Variants in CACNA1D observed in about 807,000 individuals in gnomAD.
CACNA1D encodes the protein calcium voltage-gated channel subunit alpha1 D, also known as voltage-dependent L-type calcium channel subunit alpha-1D.
In CACNA1D, 55 loss-of-function variants were observed where a neutral mutation model predicts 257.1. That is an observed-to-expected ratio of 0.21 (90% CI 0.17 to 0.27). CACNA1D has a LOEUF of 0.27. CACNA1D is among the 10% of genes least tolerant of loss of function. The pLI is 1.00. For synonymous variants in CACNA1D, 980 were observed against 1,014.9 expected (o/e 0.97, Z 0.65); for missense variants, 1,876 against 2,784.0 (o/e 0.67, Z 7.34).
chr3:53,695,783 C>T (rs1403070509), intron 8 of CACNA1D, among the ~76,000 whole-genome samples: 1 of 152,182 alleles, frequency 6.6e-6, no homozygotes, highest in Non-Finnish European at 1.5e-5. Context: ...TGGTCTTCCT[C>T]AGCACCATTT....
chr3:53,499,812 T>C (rs2090512516), intron 2 of CACNA1D, among the ~76,000 whole-genome samples: 2 of 152,070 alleles, frequency 1.3e-5, no homozygotes, highest in South Asian at 4.1e-4. Context: ...TGTGTTTCTA[T>C]GGAGAACAAC....
At chr3:53,633,697 C>T (rs144547115) in intron 3 of CACNA1D, among the ~76,000 whole-genome samples, 23 of 152,306 alleles carry the variant, frequency 1.5e-4, no homozygotes, top group African/African-American at 4.8e-4. Context: ...GCTCCACAGA[C>T]GTGCTTTTCA....
rs559713095 is a variant in CACNA1D at position 53,600,189 on chromosome 3, A to G, written c.484-50590A>G. ...AGCCTCAGCTTTTCATTTGGCCAGC[A>G]TGTATCATGAAGTTACTTCTTATTT... On this transcript the variant is annotated intron_variant, in intron 3 of 47. Transcript: ENST00000350061. 5.9e-5 allele frequency among the ~76,000 whole-genome samples: 9 copies of G among 152,360 alleles called. No individual in the cohort carries two copies. The South Asian group carries it at 1.9e-3, about 32-fold the overall frequency.
intron 45 of CACNA1D, among the ~76,000 whole-genome samples, chr3:53,805,658 C>T (rs2106836305): frequency 6.6e-6 from 1 of 152,174 alleles, no homozygotes; most frequent in East Asian, 1.9e-4. Flanking sequence ...CCTCAGGCCC[C>T]TCCAAGCCTT....
rs377686396 is a variant in CACNA1D at position 53,808,656 on chromosome 3, G to A, written c.5757G>A (p.Arg1919=). ...TGCCCTTTGCTTTCCCAGCCCACCGGAGATCCTCCTTCAACTTTGAGTGCC... is the reference window on the plus strand; with the variant it reads ...TGCCCTTTGCTTTCCCAGCCCACCGAAGATCCTCCTTCAACTTTGAGTGCC... The part of the protein sequence containing the change: ...RLLPPTPASH[R]RSSFNFECLR... The change falls in exon 46 of 48, where the codon CGG becomes CGA. Residue 1919 remains arginine, a synonymous_variant. Transcript: ENST00000350061. 9 of 1,608,118 alleles carry A rather than the reference G, an allele frequency of 5.6e-6. No homozygotes were observed. The African/African-American group carries it at 9.3e-5, about 17-fold the overall frequency.
At chr3:53,743,939 C>T (rs140518482) in intron 22 of CACNA1D, among the ~76,000 whole-genome samples, 44 of 152,258 alleles carry the variant, frequency 2.9e-4, no homozygotes, top group African/African-American at 9.6e-4. Context: ...TGAGGGAACC[C>T]TGTGATCATA....
At chr3:53,518,018 T>A (rs936989982) in intron 3 of CACNA1D, among the ~76,000 whole-genome samples, 1 of 152,256 alleles carries the variant, frequency 6.6e-6, no homozygotes, top group African/African-American at 2.4e-5. Context: ...TTGTTTTGTC[T>A]GATGAATAAC....
chr3:53,744,894 T>C (rs2108838302), intron 23 of CACNA1D, 67 bp downstream of exon 23: 1 of 866,238 alleles, frequency 1.2e-6, no homozygotes. Context: ...CTGGCTCTTC[T>C]GGGCAGAGCT....
intron 3 of CACNA1D, among the ~76,000 whole-genome samples, chr3:53,546,605 C>T (rs1224391747): frequency 6.6e-6 from 1 of 152,180 alleles, no homozygotes; most frequent in Non-Finnish European, 1.5e-5. Context: ...TATAATTGGG[C>T]ATTTCCTCTG....
intron 3 of CACNA1D, among the ~76,000 whole-genome samples, chr3:53,525,862 C>T (rs1278848755): frequency 6.6e-6 from 1 of 152,152 alleles, no homozygotes; most frequent in African/African-American, 2.4e-5. Context: ...TTTATTGGCT[C>T]ACATTGCTGG....
intron 3 of CACNA1D, among the ~76,000 whole-genome samples, chr3:53,572,783 T>G (rs2092971410): frequency 1.3e-5 from 2 of 152,208 alleles, no homozygotes; most frequent in African/African-American, 2.4e-5. Context: ...CCATCCTTTG[T>G]GCCTCCAGTC....
intron 8 of CACNA1D, among the ~76,000 whole-genome samples, chr3:53,685,544 G>A (rs931841622): frequency 1.3e-5 from 2 of 152,080 alleles, no homozygotes; most frequent in African/African-American, 4.8e-5. Context: ...CAGAGCACGT[G>A]GAACATTCAC....
intron 3 of CACNA1D, among the ~76,000 whole-genome samples, chr3:53,547,205 T>C (rs1248031893): frequency 6.6e-6 from 1 of 152,160 alleles, no homozygotes; most frequent in African/African-American, 2.4e-5. Flanking sequence ...GTGCAAGGCA[T>C]TAAGGCTCAC....
intron 3 of CACNA1D, among the ~76,000 whole-genome samples, chr3:53,524,867 G>T (rs557909673): frequency 1.2e-3 from 184 of 152,242 alleles, no homozygotes; most frequent in African/African-American, 4.2e-3. Flanking sequence ...TATTAATTTT[G>T]CTTATTTTTG....
chr3:53,774,335 C>A lies in CACNA1D; in HGVS notation c.4111-252C>A, dbSNP rs1030477525. The A allele has an allele frequency of 7.9e-5, 38 of 481,258 alleles. No homozygotes were observed. The highest frequency in any genetic ancestry group is 7.0e-4 in the African/African-American group (36 of 51,190). 29.8% of individuals were successfully genotyped at this position (481,258 alleles called of 1,614,324 possible). On this transcript the variant is annotated intron_variant, in intron 33 of 47. Transcript: ENST00000350061. The surrounding 1 kb of genome is among the most constrained non-coding windows in gnomAD (Gnocchi z 4.3). ...CTGGGGTTTGATGTTGCCTGGCTAC[C>A]TTTGTGTCTCCCCCAGGGGAGATCC... is the stretch of plus-strand genomic sequence containing the variant.
intron 3 of CACNA1D, among the ~76,000 whole-genome samples, chr3:53,606,814 A>G (rs755633799): frequency 6.6e-6 from 1 of 152,232 alleles, no homozygotes; most frequent in Non-Finnish European, 1.5e-5. Context: ...TGCCCTATCT[A>G]GTCAGTCCTC....
chr3:53,745,689 C>T lies in CACNA1D; in HGVS notation c.3072C>T (p.Leu1024=). The T allele has an allele frequency of 3.7e-6, 6 of 1,614,088 alleles. No homozygotes were observed. The highest frequency in any genetic ancestry group is 4.2e-6 in the Non-Finnish European group (5 of 1,179,972). ...GCAACATCATGATCGTCACCACCCT[C>T]CTGCAGTTCATGTTTGCCTGTATCG... The part of the protein sequence containing the change: ...TIGNIMIVTT[L]LQFMFACIGV... The change falls in exon 24 of 48, where the codon CTC becomes CTT. Residue 1024 remains leucine, a synonymous_variant. Transcript: ENST00000350061.
chr3:53,527,891 G>T (rs1369167279), intron 3 of CACNA1D, among the ~76,000 whole-genome samples: 1 of 152,184 alleles, frequency 6.6e-6, no homozygotes, highest in Non-Finnish European at 1.5e-5. Flanking sequence ...CATTGTACAT[G>T]ATCTGTCCAT....
In CACNA1D at chr3:53,769,537, G is replaced by A. The variant is rs146009335; in HGVS notation, c.3871-436G>A. 1.8e-3 allele frequency among the ~76,000 whole-genome samples: 277 copies of A among 152,326 alleles called. 2 individuals carry two copies. Among genetic ancestry groups the A allele is most frequent in the Middle Eastern group, 6.8e-3 (2 of 294 alleles). ...TGTGGTCCAAGGGGGTTTGTGGCCC[G>A]CAGGCAGGCACCACTGCTTGCCCCT... On this transcript the variant is annotated intron_variant, in intron 30 of 47. Coordinates refer to ENST00000350061, the MANE Select transcript of CACNA1D (RefSeq NM_001128840.3).
Sources: gnomAD v4.1 joint callset for allele counts (sites outside exome capture counted in the v4.1 genomes callset) on GRCh38, gnomAD v4.1.1 for gene constraint, Gnocchi (gnomAD v3.1) non-coding constraint, MANE v1.5 for transcripts, NCBI Gene and HGNC (gene_info 2026-07-23, HGNC 2026-07-21) for gene names.